Variants in TBCE observed in about 807,000 individuals in gnomAD.
TBCE encodes tubulin-specific chaperone E.
Under a neutral mutation model 77.0 loss-of-function variants are expected in TBCE, and 53 were observed. The observed-to-expected ratio is 0.69, with a 90% CI of 0.55 to 0.87. TBCE has a LOEUF of 0.87. TBCE is among the 40% of genes least tolerant of loss of function. The probability of loss-of-function intolerance (pLI) is 0.00; values close to 1 mark genes in which losing one functional copy is unlikely to be tolerated. For missense variants in TBCE, 624 were observed against 622.4 expected (o/e 1.00, Z -0.03); for synonymous variants, 235 against 241.3 (o/e 0.97, Z 0.24).
chr1:235,452,179 A>G lies in TBCE; in HGVS notation c.*3417A>G, dbSNP rs913436235. ...AGGCGCCCGCCACTATGCCTGGCTAATTTTTTTTGTATTTTTAGTAGAGAT... is the reference window on the plus strand; with the variant it reads ...AGGCGCCCGCCACTATGCCTGGCTAGTTTTTTTTGTATTTTTAGTAGAGAT... On this transcript the variant is annotated 3_prime_UTR_variant, in exon 17 of 17. Transcript: ENST00000642610. 1.3e-5 allele frequency: 2 copies of G among 151,750 alleles called. No individual in the cohort carries two copies. The highest frequency in any genetic ancestry group is 4.8e-5 in the African/African-American group (2 of 41,276). The allele number at this position is 151,750 out of a possible 1,614,324, so 9.4% of individuals were successfully genotyped here.
At chr1:235,432,949 C>T (rs1196946814) in intron 7 of TBCE, 28 of 1,358,526 alleles carry the variant, frequency 2.1e-5, no homozygotes, top group Non-Finnish European at 2.5e-5. Flanking sequence ...AAATTAGGCT[C>T]ATGCGCAGTG....
At chr1:235,390,820 A>G (rs957229019) in intron 2 of TBCE, among the ~76,000 whole-genome samples, 2 of 151,460 alleles carry the variant, frequency 1.3e-5, no homozygotes, top group African/African-American at 4.8e-5. Context: ...GTGTGACGTG[A>G]GAATGTTTCA....
At chr1:235,430,412 C>T (rs539326621) in intron 6 of TBCE, 3 of 324,080 alleles carry the variant, frequency 9.3e-6, no homozygotes, top group South Asian at 8.5e-5. Context: ...GCTCACCTTG[C>T]AAATGCCTGA....
At chr1:235,428,294 A>G (rs572171095) in intron 6 of TBCE, among the ~76,000 whole-genome samples, 2 of 152,316 alleles carry the variant, frequency 1.3e-5, no homozygotes, top group South Asian at 4.1e-4. Context: ...ACTGCACTCC[A>G]GCCTGGGCGA....
chr1:235,430,804 G>C lies in TBCE; in HGVS notation c.660G>C (p.Glu220Asp), dbSNP rs373148626. The C allele has an allele frequency of 2.6e-5, 42 of 1,611,420 alleles. No individual in the cohort carries two copies. The highest frequency in any genetic ancestry group is 3.5e-5 in the Non-Finnish European group (41 of 1,178,026). The change falls in exon 7 of 17, where the codon GAG becomes GAC. Residue 220 changes from glutamate (E) to aspartate (D), a missense_variant and splice_region_variant. Coordinates refer to ENST00000642610, the MANE Select transcript of TBCE (RefSeq NM_003193.5). ...ATCAAACAGGAATAACGTGGGCTGA[G>C]GTAATCATATTTCTTTGTTTTATTA... The part of the protein sequence containing the change: ...VLNQTGITWA[E>D]VLRCVAGCPG...
At chr1:235,418,078 G>C (rs944689988) in intron 4 of TBCE, among the ~76,000 whole-genome samples, 2 of 152,084 alleles carry the variant, frequency 1.3e-5, no homozygotes, top group African/African-American at 4.8e-5. Flanking sequence ...CACTGCCCCC[G>C]GCCATGTATT....
chr1:235,370,781 G>A lies in TBCE; in HGVS notation c.-32+3277G>A, dbSNP rs907283850. On this transcript the variant is annotated intron_variant, in intron 1 of 16. Coordinates refer to ENST00000642610, the MANE Select transcript of TBCE (RefSeq NM_003193.5). ...TTTTGAGATGGAGTCTTGCTCTGTC[G>A]CTCAGGCTGGAGTGCAATTGTGTGA... is the stretch of plus-strand genomic sequence containing the variant. 3.9e-4 allele frequency among the ~76,000 whole-genome samples: 55 copies of A among 142,278 alleles called. 1 individual carries two copies. Among genetic ancestry groups the A allele is most frequent in the Admixed American group, 3.2e-3 (44 of 13,678 alleles). 93.3% of individuals were successfully genotyped at this position (142,278 alleles called of 152,430 possible).
At chr1:235,443,758 G>C (rs1366613162) in intron 15 of TBCE, among the ~76,000 whole-genome samples, 1 of 152,110 alleles carries the variant, frequency 6.6e-6, no homozygotes, top group African/African-American at 2.4e-5. Context: ...TCTTTTAATG[G>C]ACACCCTGAA....
At chr1:235,421,411 G>A (rs1006754900) in intron 5 of TBCE, among the ~76,000 whole-genome samples, 1 of 151,926 alleles carries the variant, frequency 6.6e-6, no homozygotes, top group African/African-American at 2.4e-5. Flanking sequence ...TTTCTATTAA[G>A]AAATTTCCCA....
intron 11 of TBCE, 68 bp from the exon 12 acceptor site, chr1:235,437,254 G>T: frequency 4.4e-6 from 7 of 1,602,090 alleles, no homozygotes; most frequent in Non-Finnish European, 6.0e-6. Flanking sequence ...TCCTGTTGCT[G>T]GTTCAAACTT....
At chr1:235,398,291 A>G (rs1220367889) in intron 2 of TBCE, among the ~76,000 whole-genome samples, 2 of 151,536 alleles carry the variant, frequency 1.3e-5, no homozygotes, top group East Asian at 3.9e-4. Context: ...GATTACAGGC[A>G]CCCGCCACCA....
rs566833043 is a variant in TBCE at position 235,370,154 on chromosome 1, A to G, written c.-32+2650A>G. ...TGTGCTTATCATCATATGACATGCC[A>G]TGTGATAGAGTCATTTATCTGGTTT... On this transcript the variant is annotated intron_variant, in intron 1 of 16. Coordinates refer to ENST00000642610, the MANE Select transcript of TBCE (RefSeq NM_003193.5). Among the ~76,000 whole-genome samples, 23 of 151,944 alleles carry G rather than the reference A, an allele frequency of 1.5e-4. No individual in the cohort carries two copies. The South Asian group carries it at 3.5e-3, about 23-fold the overall frequency.
At chr1:235,446,957 G>A (rs1473940692) in intron 15 of TBCE, among the ~76,000 whole-genome samples, 5 of 152,118 alleles carry the variant, frequency 3.3e-5, no homozygotes, top group Admixed American at 2.0e-4. Flanking sequence ...TTACAGGTGT[G>A]AGCAGGCCAG....
chr1:235,402,386 T>A (rs554788657), intron 3 of TBCE, among the ~76,000 whole-genome samples: 19 of 152,220 alleles, frequency 1.2e-4, no homozygotes, highest in African/African-American at 4.6e-4. Context: ...TCTATTATTA[T>A]TTTTGATCGC....
rs1682674310 is a variant in TBCE at position 235,448,757 on chromosome 1, T to C, written c.1579T>C (p.Trp527Arg). The change falls in exon 17 of 17, where the codon TGG becomes CGG. Residue 527 changes from tryptophan to arginine, a missense_variant. Coordinates refer to ENST00000642610, the MANE Select transcript of TBCE (RefSeq NM_003193.5). Reference sequence around the variant, plus strand: ...AAATGGAGATTGTCTATTAGTGCGATGGTGACAACCAACTAATAAAATTTA... The same window carrying C: ...AAATGGAGATTGTCTATTAGTGCGACGGTGACAACCAACTAATAAAATTTA... ...VENGDCLLVR[W>R] 3.1e-6 allele frequency: 5 copies of C among 1,609,972 alleles called. No homozygotes were observed. Among genetic ancestry groups the C allele is most frequent in the Non-Finnish European group, 4.2e-6 (5 of 1,176,484 alleles).
chr1:235,442,963 T>TA (rs1467679059), intron 15 of TBCE, 52 bp downstream of exon 15: 3 of 1,581,300 alleles, frequency 1.9e-6, no homozygotes, highest in Non-Finnish European at 2.6e-6. Context: ...TCGGCCTAGG[T>TA]ATGAGTCAGC....
At chr1:235,418,675 C>T (rs921911298) in intron 4 of TBCE, 7 of 152,730 alleles carry the variant, frequency 4.6e-5, no homozygotes, top group Non-Finnish European at 1.0e-4. Flanking sequence ...ATATAACAAA[C>T]GCTGTAAGGT....
intron 3 of TBCE, among the ~76,000 whole-genome samples, chr1:235,406,413 C>T (rs528771496): frequency 6.6e-6 from 1 of 152,264 alleles, no homozygotes; most frequent in Admixed American, 6.5e-5. Flanking sequence ...ATAAAATGTG[C>T]AGATGAATGT....
chr1:235,378,999 G>T (rs1348883989), intron 1 of TBCE, among the ~76,000 whole-genome samples: 1 of 152,180 alleles, frequency 6.6e-6, no homozygotes, highest in Non-Finnish European at 1.5e-5. Flanking sequence ...TGATACTGTT[G>T]CTTGATTATT....
Sources: gnomAD v4.1 joint callset for allele counts (sites outside exome capture counted in the v4.1 genomes callset) on GRCh38, gnomAD v4.1.1 for gene constraint, MANE v1.5 for transcripts, NCBI Gene and HGNC (gene_info 2026-07-23, HGNC 2026-07-21) for gene names.